OLFML2B: variants seen among roughly 807,000 people sequenced by gnomAD.
OLFML2B encodes the protein olfactomedin like 2B.
In OLFML2B, 57 loss-of-function variants were observed where a neutral mutation model predicts 74.9. The ratio of observed to expected loss-of-function variants is 0.76; its 90% confidence interval spans 0.61 to 0.95. OLFML2B has a LOEUF of 0.95. OLFML2B is among the 40% of genes least tolerant of loss of function. The pLI is 0.00. For synonymous variants in OLFML2B, 388 were observed against 405.8 expected (o/e 0.96, Z 0.53); for missense variants, 986 against 970.6 (o/e 1.02, Z -0.21).
chr1:162,011,659 G>A (rs1032218876), intron 3 of OLFML2B, among the ~76,000 whole-genome samples: 1 of 152,218 alleles, frequency 6.6e-6, no homozygotes, highest in Non-Finnish European at 1.5e-5. Context: ...TGGAGCATCT[G>A]TCCCACATCA....
intron 3 of OLFML2B, among the ~76,000 whole-genome samples, chr1:162,006,770 G>A (rs1054431607): frequency 6.6e-6 from 1 of 152,136 alleles, no homozygotes; most frequent in African/African-American, 2.4e-5. Context: ...CAGGACACCA[G>A]GTTCTTTTTC....
At chr1:162,006,692 A>G (rs1690244514) in intron 3 of OLFML2B, among the ~76,000 whole-genome samples, 1 of 152,124 alleles carries the variant, frequency 6.6e-6, no homozygotes, top group Non-Finnish European at 1.5e-5. Flanking sequence ...TGGATATCCA[A>G]CTACAGAAAA....
At chr1:161,984,738 G>A in intron 7 of OLFML2B, 66 bp downstream of exon 7, 1 of 1,512,064 alleles carries the variant, frequency 6.6e-7, no homozygotes, top group Non-Finnish European at 9.1e-7. Context: ...AAGAGGCCTG[G>A]CTGTGATAAA....
chr1:162,004,794 T>C (rs2490422), intron 4 of OLFML2B, among the ~76,000 whole-genome samples: 120,271 of 152,140 alleles, frequency 0.79, 47,828 homozygotes, highest in Non-Finnish European at 0.82. Context: ...TCAGGGACTC[T>C]AGCTGTCCCA....
intron 3 of OLFML2B, among the ~76,000 whole-genome samples, chr1:162,008,642 A>G (rs1690296510): frequency 6.6e-6 from 1 of 152,230 alleles, no homozygotes; most frequent in African/African-American, 2.4e-5. Context: ...TGTGGTGCAG[A>G]GTTCAGCAGC....
chr1:162,005,912 A>T (rs967492511), intron 4 of OLFML2B, among the ~76,000 whole-genome samples: 2,278 of 127,658 alleles, frequency 0.018, 107 homozygotes, highest in African/African-American at 0.083. Flanking sequence ...CAAAAAAAAA[A>T]AAAAAAAAAA....
intron 2 of OLFML2B, among the ~76,000 whole-genome samples, chr1:162,017,884 A>G (rs751358543): frequency 6.6e-6 from 1 of 152,234 alleles, no homozygotes. Context: ...AATCAGCCTA[A>G]ATGCACATCA....
intron 6 of OLFML2B, among the ~76,000 whole-genome samples, chr1:161,990,702 A>G (rs1689714250): frequency 6.6e-6 from 1 of 152,194 alleles, no homozygotes; most frequent in Admixed American, 6.5e-5. Context: ...TAAGACAACA[A>G]TGAAGTTTGC....
intron 6 of OLFML2B, among the ~76,000 whole-genome samples, chr1:161,986,822 C>G (rs1571281843): frequency 1.3e-5 from 2 of 152,260 alleles, no homozygotes; most frequent in Admixed American, 1.3e-4. Flanking sequence ...GAAAGGGCAC[C>G]AATTCCCTGT....
At chr1:162,022,260 T>TTTC (rs1553251580) in intron 1 of OLFML2B, among the ~76,000 whole-genome samples, 8 of 127,826 alleles carry the variant, frequency 6.3e-5, no homozygotes, top group Non-Finnish European at 8.3e-5. Flanking sequence ...TTTTTTTTTT[T>TTTC]TTTTTTTTGA....
Position 161,983,647 on chromosome 1 carries a change from T to C in OLFML2B, c.*28A>G, listed in dbSNP as rs772313802. 6.3e-7 allele frequency: 1 copy of C among 1,584,294 alleles called. No individual in the cohort carries two copies. The highest frequency in any genetic ancestry group is 8.6e-7 in the Non-Finnish European group (1 of 1,162,228). Reference sequence around the variant, plus strand: ...ACACACAAGGTGCTAGTGACCCCTCTGTGCTTCTGCTTGTGGGGACAAGGG... The same window carrying C: ...ACACACAAGGTGCTAGTGACCCCTCCGTGCTTCTGCTTGTGGGGACAAGGG... On this transcript the variant is annotated 3_prime_UTR_variant, in exon 8 of 8. Transcript: ENST00000294794.
At chr1:161,985,013 C>T in intron 6 of OLFML2B, 33 bp from the exon 7 acceptor site, 3 of 1,585,742 alleles carry the variant, frequency 1.9e-6, no homozygotes, top group Non-Finnish European at 1.7e-6. Flanking sequence ...AGGTTTTGGG[C>T]TGATCTAGTG....
rs1689490519 is a variant in OLFML2B at position 161,983,685 on chromosome 1, A to G, written c.2243T>C (p.Phe748Ser). The G allele has an allele frequency of 6.2e-7, 1 of 1,607,036 alleles. No individual in the cohort carries two copies. The highest frequency in any genetic ancestry group is 2.2e-5 in the East Asian group (1 of 44,708). The change falls in exon 8 of 8, where the codon TTT becomes TCT. Residue 748 changes from phenylalanine (F) to serine (S), a missense_variant. Physicochemically the swap from Phe to Ser is radical, Grantham distance 155. Transcript: ENST00000294794. Reference sequence around the variant, plus strand: ...GTGGGGACAAGGGTGTCAGTAGGCAAAGATGACATGGTAAGTGACCTGGTG... The same window carrying G: ...GTGGGGACAAGGGTGTCAGTAGGCAGAGATGACATGGTAAGTGACCTGGTG... Reference protein sequence around the residue: ...NGHQVTYHVIFAY With the variant: ...NGHQVTYHVISAY
At chr1:162,003,791 C>G (rs574603385) in intron 4 of OLFML2B, among the ~76,000 whole-genome samples, 1 of 152,172 alleles carries the variant, frequency 6.6e-6, no homozygotes, top group Non-Finnish European at 1.5e-5. Context: ...CTACAGGAAC[C>G]CTGAAAATGA....
At chr1:161,986,559 A>C (rs566008167) in intron 6 of OLFML2B, among the ~76,000 whole-genome samples, 3 of 152,332 alleles carry the variant, frequency 2.0e-5, no homozygotes, top group Non-Finnish European at 4.4e-5. Flanking sequence ...TTCAGTCTCC[A>C]TAAGACAAAC....
intron 3 of OLFML2B, among the ~76,000 whole-genome samples, chr1:162,015,862 G>A (rs1017124207): frequency 2.0e-5 from 3 of 152,124 alleles, no homozygotes; most frequent in African/African-American, 7.2e-5. Context: ...AGGCTGATGC[G>A]GTTCTGTTGG....
Position 162,009,313 on chromosome 1 carries a change from C to T in OLFML2B, c.547-2840G>A, listed in dbSNP as rs528208863. 2.5e-4 allele frequency among the ~76,000 whole-genome samples: 38 copies of T among 152,280 alleles called. 2 individuals carry two copies. In the Middle Eastern group the frequency reaches 0.017, roughly 68 times the overall value. Reference sequence around the variant, plus strand: ...CTGCGGCCCAGCTCTGGCCCTAGGACTCTACTAAAGGTGGTGACACCTCTG... The same window carrying T: ...CTGCGGCCCAGCTCTGGCCCTAGGATTCTACTAAAGGTGGTGACACCTCTG... On this transcript the variant is annotated intron_variant, in intron 3 of 7. Transcript: ENST00000294794.
At position 161,984,884 on chromosome 1, in the gene OLFML2B, T is replaced by C. The variant is rs1180734060; in HGVS notation, c.1571A>G (p.Lys524Arg). The C allele has an allele frequency of 6.2e-7, 1 of 1,612,786 alleles. No homozygotes were observed. Residue 524 changes from lysine (K) to arginine (R), a missense_variant, in exon 7 of 8, where the codon AAG becomes AGG. By Grantham distance (26) the Lys-to-Arg change is conservative (BLOSUM62 2). Transcript: ENST00000294794. Reference protein sequence around the residue: ...EGAWMKDPLAKDERIYVTNYY... With the variant: ...EGAWMKDPLARDERIYVTNYY... ...GTTGGTTACGTAAATCCGCTCATCC[T>C]TGGCCAGGGGGTCCTTCATCCAGGC...
chr1:161,995,902 T>A (rs1316164288), intron 6 of OLFML2B, among the ~76,000 whole-genome samples: 2 of 151,986 alleles, frequency 1.3e-5, no homozygotes, highest in Admixed American at 6.6e-5. Flanking sequence ...AAGGGAGAGA[T>A]GGAGTGTTGG....
Sources: allele counts gnomAD v4.1 joint callset (sites outside exome capture counted in the v4.1 genomes callset), GRCh38; gene constraint gnomAD v4.1.1; transcripts MANE v1.5; gene names NCBI Gene and HGNC (gene_info 2026-07-23, HGNC 2026-07-21).